Variants in HOOK1 observed in about 807,000 individuals in gnomAD.
The protein encoded by HOOK1 is protein Hook homolog 1.
Under a neutral mutation model 112.8 loss-of-function variants are expected in HOOK1, and 60 were observed. The observed-to-expected ratio is 0.53, with a 90% CI of 0.43 to 0.66. HOOK1 has a LOEUF of 0.66. Ranked by LOEUF, HOOK1 falls within the 30% of genes least tolerant of loss-of-function variation. The pLI is 0.00. For missense variants in HOOK1, 770 were observed against 856.0 expected, an observed-to-expected ratio of 0.90 and a Z score of 1.25; for synonymous variants, 294 against 283.8, an observed-to-expected ratio of 1.04 and a Z score of -0.36.
intron 9 of HOOK1, among the ~76,000 whole-genome samples, chr1:59,845,883 T>G (rs945378109): frequency 1.3e-5 from 2 of 151,954 alleles, no homozygotes; most frequent in African/African-American, 4.8e-5. Flanking sequence ...ATAGAATAAC[T>G]GAGGCATATT....
Position 59,848,464 on chromosome 1 carries a change from A to G in HOOK1, c.1079A>G (p.Glu360Gly). The change falls in exon 11 of 22, where the codon GAA becomes GGA. Residue 360 changes from glutamate (E) to glycine (G), a missense_variant. Glu to Gly is a moderately conservative substitution (Grantham distance 98). Transcript: ENST00000371208. ...CATAATACAGTCAGCTTAGAAGAAG[A>G]ATTAAAAAAAGCAAATGCAGCACGT... ...YMHNTVSLEE[E>G]LKKANAARTQ... is the part of the protein sequence containing the mutation. 1 of 1,610,738 alleles carries G rather than the reference A, an allele frequency of 6.2e-7. No homozygotes were observed. The highest frequency in any genetic ancestry group is 1.3e-5 in the African/African-American group (1 of 74,868).
intron 7 of HOOK1, among the ~76,000 whole-genome samples, chr1:59,837,661 A>G (rs992223404): frequency 8.5e-5 from 13 of 152,154 alleles, no homozygotes; most frequent in Admixed American, 1.3e-4. Context: ...GTAGCCTTCA[A>G]TGTTAATGAG....
intron 9 of HOOK1, among the ~76,000 whole-genome samples, chr1:59,844,687 A>G: frequency 6.6e-6 from 1 of 151,948 alleles, no homozygotes; most frequent in Non-Finnish European, 1.5e-5. Context: ...TATATAGAGA[A>G]TTCCTATCTA....
Position 59,861,887 on chromosome 1 carries a change from AAAG to A in HOOK1, c.1533-891_1533-889del, listed in dbSNP as rs1240838501. Among the ~76,000 whole-genome samples the A allele has an allele frequency of 4.6e-5, 7 of 152,346 alleles. No individual in the cohort carries two copies. The East Asian group carries it at 9.6e-4, about 21-fold the overall frequency. ...TATAAGGTTACATAAACGGTGGTTAAAAGAAGAATAACAATTTAGTTTTCTAAA... is the reference window on the plus strand; with the variant it reads ...TATAAGGTTACATAAACGGTGGTTAAAAGAATAACAATTTAGTTTTCTAAA... On this transcript the variant is annotated intron_variant, in intron 15 of 21. Transcript: ENST00000371208.
chr1:59,816,552 A>G (rs2098381677), intron 1 of HOOK1, among the ~76,000 whole-genome samples: 1 of 152,224 alleles, frequency 6.6e-6, no homozygotes, highest in Non-Finnish European at 1.5e-5. Context: ...ATTGATTTAC[A>G]TGTGAGGTGG....
At chr1:59,824,692 G>A (rs2098388548) in intron 2 of HOOK1, among the ~76,000 whole-genome samples, 1 of 152,142 alleles carries the variant, frequency 6.6e-6, no homozygotes, top group African/African-American at 2.4e-5. Context: ...TCTTTATAAA[G>A]TGGTGTCTAA....
chr1:59,846,245 G>T (rs752696938), intron 9 of HOOK1, among the ~76,000 whole-genome samples: 1 of 151,318 alleles, frequency 6.6e-6, no homozygotes, highest in African/African-American at 2.4e-5. Flanking sequence ...TTTTTTTATC[G>T]TTATAATGAT....
Position 59,836,865 on chromosome 1 carries a change from T to C in HOOK1, c.475-8T>C. 6.7e-7 allele frequency: 1 copy of C among 1,493,244 alleles called. No individual in the cohort carries two copies. The highest frequency in any genetic ancestry group is 2.3e-5 in the East Asian group (1 of 43,972). 92.5% of individuals were successfully genotyped at this position (1,493,244 alleles called of 1,614,324 possible). A position where few individuals can be genotyped will look rare whatever the true frequency, so the allele number is the denominator to read the frequency against. ...GTTATACTTAATTTTATTATTTTAA[T>C]TTCCTAGTTGATGAGTAAAGAAATA... On this transcript the variant is annotated splice_polypyrimidine_tract_variant and splice_region_variant and intron_variant, in intron 6 of 21. Transcript: ENST00000371208.
At chr1:59,849,035 CT>C (rs1559054639) in intron 11 of HOOK1, 37 bp from the exon 12 acceptor site, 2 of 1,329,812 alleles carry the variant, frequency 1.5e-6, no homozygotes, top group South Asian at 2.5e-5. Context: ...CACTTATATA[CT>C]TTTAAGGACC....
At chr1:59,864,094 T>C (rs2102069961) in intron 16 of HOOK1, among the ~76,000 whole-genome samples, 1 of 152,134 alleles carries the variant, frequency 6.6e-6, no homozygotes, top group Non-Finnish European at 1.5e-5. Context: ...GTACTGTTTT[T>C]TAAAAGAGGA....
chr1:59,852,735 T>C (rs982846142), intron 12 of HOOK1, among the ~76,000 whole-genome samples: 11 of 151,724 alleles, frequency 7.3e-5, no homozygotes, highest in Non-Finnish European at 1.3e-4. Flanking sequence ...GAAAGTTAAG[T>C]TATTGATTTG....
rs2098405865 is a variant in HOOK1 at position 59,849,317 on chromosome 1, T to C, written c.1242+134T>C. ...GATTGAATTTTTTGACATAAAAGTG[T>C]CTTGTAAAAATGACTTACATCTTCT... On this transcript the variant is annotated intron_variant, in intron 12 of 21. Transcript: ENST00000371208. 3 of 530,032 alleles carry C rather than the reference T, an allele frequency of 5.7e-6. No individual in the cohort carries two copies. In the Admixed American group the frequency reaches 1.1e-4, roughly 20 times the overall value. 32.8% of individuals were successfully genotyped at this position (530,032 alleles called of 1,614,324 possible).
chr1:59,827,292 T>G (rs2098390712), intron 2 of HOOK1, among the ~76,000 whole-genome samples: 1 of 152,166 alleles, frequency 6.6e-6, no homozygotes, highest in South Asian at 2.1e-4. Flanking sequence ...TTATTCAAAG[T>G]CTACTGATTT....
chr1:59,827,186 G>T (rs1041714542), intron 2 of HOOK1, among the ~76,000 whole-genome samples: 6 of 152,314 alleles, frequency 3.9e-5, no homozygotes, highest in Middle Eastern at 3.4e-3. Flanking sequence ...CCATCTGCTG[G>T]CACAATTTGC....
chr1:59,839,391 T>C (rs2098399751), intron 7 of HOOK1, among the ~76,000 whole-genome samples: 1 of 152,214 alleles, frequency 6.6e-6, no homozygotes, highest in Non-Finnish European at 1.5e-5. Context: ...TGGTTTGTAG[T>C]TCCCCTTGAA....
At chr1:59,853,645 G>A (rs2098408439) in intron 12 of HOOK1, among the ~76,000 whole-genome samples, 1 of 151,706 alleles carries the variant, frequency 6.6e-6, no homozygotes, top group Admixed American at 6.6e-5. Flanking sequence ...TTTTCTGTAT[G>A]TCTTTTTTTC....
chr1:59,818,189 T>G (rs1234061997), intron 1 of HOOK1, among the ~76,000 whole-genome samples: 2 of 152,078 alleles, frequency 1.3e-5, no homozygotes, highest in East Asian at 1.9e-4. Flanking sequence ...TAAAGGGAGA[T>G]AGTGGAACAC....
intron 12 of HOOK1, among the ~76,000 whole-genome samples, chr1:59,854,196 C>T (rs747249029): frequency 7.3e-4 from 109 of 150,052 alleles, no homozygotes; most frequent in Non-Finnish European, 1.1e-3. Flanking sequence ...GGATTACAGG[C>T]GCATGCCACC....
chr1:59,843,431 G>T lies in HOOK1; in HGVS notation c.622-1G>T. On this transcript the variant is annotated splice_acceptor_variant, in intron 8 of 21. Transcript: ENST00000371208. LOFTEE classifies it high-confidence loss of function. The stretch of plus-strand genomic sequence containing the variant: ...CTTATGTATGTGTATTTGTTTCTTA[G>T]GTGACTACACTTCAAGATGAAAAGA... 1 of 1,600,078 alleles carries T rather than the reference G, an allele frequency of 6.2e-7. No homozygotes were observed. Among genetic ancestry groups the T allele is most frequent in the Non-Finnish European group, 8.5e-7 (1 of 1,173,760 alleles).
Sources: gnomAD v4.1 joint callset for allele counts (sites outside exome capture counted in the v4.1 genomes callset) on GRCh38, gnomAD v4.1.1 for gene constraint, MANE v1.5 for transcripts, NCBI Gene and HGNC (gene_info 2026-07-23, HGNC 2026-07-21) for gene names.